Variants in SAMD5 observed in about 807,000 individuals in gnomAD.
SAMD5 encodes the protein sterile alpha motif domain-containing protein 5.
Under a neutral mutation model 11.3 loss-of-function variants are expected in SAMD5, and 13 were observed. That is an observed-to-expected ratio of 1.15 (90% CI 0.75 to 1.83). SAMD5 has a LOEUF of 1.83. SAMD5 is among the 40% of genes most tolerant of loss of function. The probability of loss-of-function intolerance (pLI) is 0.00; values close to 1 mark genes in which losing one functional copy is unlikely to be tolerated. For missense variants in SAMD5, 255 were observed against 239.1 expected (o/e 1.07, Z -0.44); for synonymous variants, 129 against 111.3 (o/e 1.16, Z -1.00).
chr6:147,872,212 C>T, the SAMD5 span, among the ~76,000 whole-genome samples: 1 of 151,974 alleles, frequency 6.6e-6, no homozygotes. Context: ...CTCAAGCAGT[C>T]CTCCCACCTC....
intron 1 of SAMD5, among the ~76,000 whole-genome samples, chr6:147,522,650 A>G (rs936299689): frequency 6.6e-6 from 1 of 152,210 alleles, no homozygotes; most frequent in African/African-American, 2.4e-5. Flanking sequence ...TTTACACTAT[A>G]TATCTTTTCT....
chr6:147,628,548 C>T (rs1051259074), intron 1 of SAMD5, among the ~76,000 whole-genome samples: 1 of 152,156 alleles, frequency 6.6e-6, no homozygotes, highest in Non-Finnish European at 1.5e-5. Context: ...GACAGTCTAT[C>T]TGAATCTCAA....
chr6:147,586,796 A>G, intron 1 of SAMD5, among the ~76,000 whole-genome samples: 1 of 152,078 alleles, frequency 6.6e-6, no homozygotes, highest in Non-Finnish European at 1.5e-5. Context: ...ATAAAACTCC[A>G]AATGAGGAAA....
the SAMD5 span, among the ~76,000 whole-genome samples, chr6:147,905,759 G>C: frequency 1.3e-5 from 2 of 152,174 alleles, no homozygotes; most frequent in East Asian, 1.9e-4. Context: ...CCAACTTTTA[G>C]ATGAATTCTA....
the SAMD5 span, among the ~76,000 whole-genome samples, chr6:147,888,151 T>G: frequency 2.0e-5 from 3 of 152,218 alleles, no homozygotes; most frequent in African/African-American, 7.2e-5. Flanking sequence ...CATTTAATTT[T>G]GATGAAGTTC....
chr6:147,671,205 A>G (rs976601568), intron 1 of SAMD5, among the ~76,000 whole-genome samples: 10 of 152,196 alleles, frequency 6.6e-5, no homozygotes, highest in African/African-American at 2.4e-4. Context: ...GCACCCCGCA[A>G]CAACTACAGG....
At chr6:147,885,088 A>G in the SAMD5 span, among the ~76,000 whole-genome samples, 1 of 152,188 alleles carries the variant, frequency 6.6e-6, no homozygotes, top group Non-Finnish European at 1.5e-5. Context: ...CTAATTATCT[A>G]TATACTGCTT....
chr6:147,780,287 A>G, the SAMD5 span, among the ~76,000 whole-genome samples: 1 of 151,658 alleles, frequency 6.6e-6, no homozygotes, highest in Non-Finnish European at 1.5e-5. Flanking sequence ...GGCTCGCTGC[A>G]ATGTCTGCCT....
chr6:147,680,435 T>C (rs1790925239), intron 1 of SAMD5, among the ~76,000 whole-genome samples: 1 of 152,128 alleles, frequency 6.6e-6, no homozygotes, highest in South Asian at 2.1e-4. Flanking sequence ...TGTAAGCTTT[T>C]ACACACCCAT....
intron 1 of SAMD5, among the ~76,000 whole-genome samples, chr6:147,589,532 A>T (rs1302259627): frequency 1.3e-5 from 2 of 152,102 alleles, no homozygotes; most frequent in African/African-American, 2.4e-5. Context: ...TGTGATCCTG[A>T]GCAGGCTAGC....
chr6:147,884,806 G>A, the SAMD5 span, among the ~76,000 whole-genome samples: 1 of 152,102 alleles, frequency 6.6e-6, no homozygotes. Flanking sequence ...GACAAATACT[G>A]AATTGAATGA....
chr6:147,829,167 G>C, the SAMD5 span, among the ~76,000 whole-genome samples: 2,532 of 152,314 alleles, frequency 0.017, 27 homozygotes, highest in South Asian at 0.027. Flanking sequence ...TTGCTAATAT[G>C]ATTAATTATT....
the SAMD5 span, among the ~76,000 whole-genome samples, chr6:147,896,738 CAA>C: frequency 1.9e-3 from 104 of 55,316 alleles, 1 homozygote; most frequent in East Asian, 0.017. Flanking sequence ...GAACATTAAC[CAA>C]AAAAAAAAAA....
the SAMD5 span, among the ~76,000 whole-genome samples, chr6:147,893,910 C>A: frequency 5.3e-5 from 8 of 152,168 alleles, no homozygotes; most frequent in South Asian, 1.7e-3. Context: ...TGAATATATA[C>A]ATTTTTGTTT....
the SAMD5 span, among the ~76,000 whole-genome samples, chr6:147,922,977 C>G: frequency 6.6e-6 from 1 of 152,084 alleles, no homozygotes; most frequent in East Asian, 1.9e-4. Flanking sequence ...TGCACCCCCT[C>G]ACTTCCCACT....
the SAMD5 span, among the ~76,000 whole-genome samples, chr6:147,802,041 C>A: frequency 2.2e-4 from 34 of 152,034 alleles, no homozygotes; most frequent in Non-Finnish European, 4.7e-4. Context: ...TCTAACATTA[C>A]AGGAAAAAAC....
At chr6:147,650,943 G>A (rs1160470960) in intron 1 of SAMD5, among the ~76,000 whole-genome samples, 3 of 130,680 alleles carry the variant, frequency 2.3e-5, no homozygotes, top group Admixed American at 7.6e-5. Context: ...GGAATTTGAG[G>A]CTAGTTGGAT....
intron 1 of SAMD5, among the ~76,000 whole-genome samples, chr6:147,668,567 G>A (rs1266441495): frequency 1.3e-5 from 2 of 152,182 alleles, no homozygotes; most frequent in Non-Finnish European, 2.9e-5. Flanking sequence ...TGTTTGGCTG[G>A]GCGTGGTGGC....
At chr6:147,734,291 G>T (rs929071136) in intron 1 of SAMD5, among the ~76,000 whole-genome samples, 6 of 152,206 alleles carry the variant, frequency 3.9e-5, no homozygotes, top group African/African-American at 1.4e-4. Flanking sequence ...TTCCTGTAAA[G>T]TCTGTTGTTT....
Sources: gnomAD v4.1 joint callset for allele counts (sites outside exome capture counted in the v4.1 genomes callset) on GRCh38, gnomAD v4.1.1 for gene constraint, MANE v1.5 for transcripts, NCBI Gene and HGNC (gene_info 2026-07-23, HGNC 2026-07-21) for gene names.